The following SLC22A25 variants were observed in gnomAD, a reference collection of about 807,000 sequenced individuals.
The protein encoded by SLC22A25 is solute carrier family 22 member 25.
Under a neutral mutation model 45.9 loss-of-function variants are expected in SLC22A25, and 44 were observed. The observed-to-expected ratio is 0.96, with a 90% confidence interval of 0.75 to 1.23. The LOEUF is 1.23. SLC22A25 is among the 50% of genes most tolerant of loss of function. SLC22A25 has a pLI of 0.00. For missense variants in SLC22A25, 800 were observed against 666.4 expected (o/e 1.20, Z -2.21); for synonymous variants, 283 against 238.6 (o/e 1.19, Z -1.72).
chr11:63,158,775 T>C lies in SLC22A25; in HGVS notation c.*5049A>G, dbSNP rs1393037341. On this transcript the variant is annotated 3_prime_UTR_variant, in exon 12 of 12. Transcript: ENST00000306494. ...AAACAATCCAATTATACTTTTTTAGTTATTTAAAAATGAATTAAGTTATTA... is the reference window on the plus strand; with the variant it reads ...AAACAATCCAATTATACTTTTTTAGCTATTTAAAAATGAATTAAGTTATTA... 6.6e-6 allele frequency among the ~76,000 whole-genome samples: 1 copy of C among 152,222 alleles called. No individual in the cohort carries two copies. The highest frequency in any genetic ancestry group is 1.5e-5 in the Non-Finnish European group (1 of 68,042).
At chr11:63,224,972 G>A (rs553420505) in intron 5 of SLC22A25, among the ~76,000 whole-genome samples, 5 of 152,202 alleles carry the variant, frequency 3.3e-5, no homozygotes, top group South Asian at 2.1e-4. Context: ...GGTGGCGGGC[G>A]CCTGTAGTCC....
intron 9 of SLC22A25, among the ~76,000 whole-genome samples, chr11:63,174,114 A>G (rs2087997929): frequency 6.6e-6 from 1 of 151,668 alleles, no homozygotes; most frequent in African/African-American, 2.4e-5. Context: ...ATGTGTTCTC[A>G]TTGTTCAACT....
At chr11:63,165,358 T>G (rs1565057883) in intron 10 of SLC22A25, among the ~76,000 whole-genome samples, 1 of 152,196 alleles carries the variant, frequency 6.6e-6, no homozygotes, top group Non-Finnish European at 1.5e-5. Flanking sequence ...GGTATTCTCT[T>G]AAGTACATTA....
chr11:63,196,170 A>C (rs2222591), intron 7 of SLC22A25, among the ~76,000 whole-genome samples: 74,494 of 152,018 alleles, frequency 0.49, 19,185 homozygotes, highest in Non-Finnish European at 0.57. Context: ...ATTCTACCAG[A>C]GGTACAAAGA....
chr11:63,177,604 C>A (rs915890445), intron 9 of SLC22A25, among the ~76,000 whole-genome samples: 4 of 151,598 alleles, frequency 2.6e-5, no homozygotes, highest in African/African-American at 9.7e-5. Context: ...TCACTTATTA[C>A]CACCAGGAGA....
In SLC22A25 at chr11:63,239,107, A is replaced by AAAT. The variant is rs1322968153; in HGVS notation, c.-970_-968dup. On this transcript the variant is annotated 5_prime_UTR_variant, in exon 2 of 12. Transcript: ENST00000306494. ...CACCAACTTGATCCAAGAAGTCCTG[A>AAAT]AATACCATTGAGGCTGAAGAGATTA... 6.0e-6 allele frequency: 1 copy of AAAT among 168,010 alleles called. No individual in the cohort carries two copies. The highest frequency in any genetic ancestry group is 1.3e-5 in the Non-Finnish European group (1 of 75,408). The allele number at this position is 168,010 out of a possible 1,614,324, so 10.4% of individuals were successfully genotyped here. A position where few individuals can be genotyped will look rare whatever the true frequency, so the allele number is the denominator to read the frequency against.
chr11:63,243,335 G>C (rs2090283213), intron 1 of SLC22A25, 99 bp downstream of exon 1: 1 of 524,430 alleles, frequency 1.9e-6, no homozygotes, highest in Non-Finnish European at 3.5e-6. Flanking sequence ...CATTTGGGAT[G>C]GAAAAGCACC....
At chr11:63,174,404 C>G (rs1293932624) in intron 9 of SLC22A25, among the ~76,000 whole-genome samples, 1 of 152,096 alleles carries the variant, frequency 6.6e-6, no homozygotes, top group Non-Finnish European at 1.5e-5. Context: ...AGATAAGAAC[C>G]ACAATGGCAT....
chr11:63,170,421 A>G (rs2087837357), intron 9 of SLC22A25, among the ~76,000 whole-genome samples: 1 of 152,080 alleles, frequency 6.6e-6, no homozygotes, highest in Non-Finnish European at 1.5e-5. Flanking sequence ...GACTGCTAGC[A>G]AGACTAATAA....
At chr11:63,200,022 C>A (rs2089188725) in intron 7 of SLC22A25, among the ~76,000 whole-genome samples, 1 of 151,662 alleles carries the variant, frequency 6.6e-6, no homozygotes, top group Non-Finnish European at 1.5e-5. Context: ...TCACACATAA[C>A]AACCAAAAAA....
intron 7 of SLC22A25, among the ~76,000 whole-genome samples, chr11:63,190,211 T>C (rs1373889519): frequency 6.6e-6 from 1 of 152,184 alleles, no homozygotes; most frequent in Non-Finnish European, 1.5e-5. Context: ...TCTTTTCAGA[T>C]AGTCCCATAT....
rs1486053009 is a variant in SLC22A25, at chr11:63,161,605, T to A, written c.*2219A>T. 6.6e-6 allele frequency among the ~76,000 whole-genome samples: 1 copy of A among 152,114 alleles called. No individual in the cohort carries two copies. The highest frequency in any genetic ancestry group is 1.5e-5 in the Non-Finnish European group (1 of 68,020). ...TCTGATGGTTTTATAAAAGGGAGTT[T>A]CCCTGCAAAAATTATCTTTTTGCCT... On this transcript the variant is annotated 3_prime_UTR_variant, in exon 12 of 12. Transcript: ENST00000306494.
chr11:63,198,737 TCAAGA>T (rs1246132541), intron 7 of SLC22A25, among the ~76,000 whole-genome samples: 1 of 151,638 alleles, frequency 6.6e-6, no homozygotes, highest in Admixed American at 6.6e-5. Context: ...AAAAAAGAAA[TCAAGA>T]CAAGAAATTT....
chr11:63,191,187 G>T (rs2088799345), intron 7 of SLC22A25, among the ~76,000 whole-genome samples: 1 of 152,200 alleles, frequency 6.6e-6, no homozygotes, highest in African/African-American at 2.4e-5. Context: ...AGCTGCGGTG[G>T]GCTCCACCCA....
chr11:63,166,139 G>A lies in SLC22A25; in HGVS notation c.1190C>T (p.Pro397Leu), dbSNP rs2087673948. ...AVTLLANCVA[P>L]WALNHMSRRL... is the part of the protein sequence containing the mutation. ...ACGGCTCATGTGATTCAGTGCCCAAGGTGCAACACAATTGGCCAGGAGGGT... is the reference window on the plus strand; with the variant it reads ...ACGGCTCATGTGATTCAGTGCCCAAAGTGCAACACAATTGGCCAGGAGGGT... The change falls in exon 10 of 12, where the codon CCT becomes CTT. Residue 397 changes from proline to leucine, a missense_variant. Coordinates refer to ENST00000306494, the MANE Select transcript of SLC22A25 (RefSeq NM_199352.6). 4 of 1,614,016 alleles carry A rather than the reference G, an allele frequency of 2.5e-6. No homozygotes were observed. Among genetic ancestry groups the A allele is most frequent in the Non-Finnish European group, 3.4e-6 (4 of 1,179,962 alleles).
At chr11:63,205,180 A>G (rs571318557) in intron 7 of SLC22A25, among the ~76,000 whole-genome samples, 131 of 152,356 alleles carry the variant, frequency 8.6e-4, no homozygotes, top group African/African-American at 3.1e-3. Flanking sequence ...AGGGAAATTT[A>G]TAGCACTAAA....
intron 1 of SLC22A25, among the ~76,000 whole-genome samples, chr11:63,239,803 C>T (rs1258138749): frequency 6.6e-6 from 1 of 152,172 alleles, no homozygotes; most frequent in African/African-American, 2.4e-5. Flanking sequence ...TTTATTCACA[C>T]TGCATTTGTG....
chr11:63,186,576 T>C (rs1218628478), intron 7 of SLC22A25, among the ~76,000 whole-genome samples: 3 of 152,314 alleles, frequency 2.0e-5, no homozygotes, highest in Non-Finnish European at 2.9e-5. Context: ...ATTTTGGCTT[T>C]TGTTGCCATT....
chr11:63,172,978 T>C (rs1590786903), intron 9 of SLC22A25, among the ~76,000 whole-genome samples: 1 of 151,772 alleles, frequency 6.6e-6, no homozygotes, highest in East Asian at 1.9e-4. Context: ...CAAATGCCCA[T>C]CAATGATAGA....
Sources: allele counts gnomAD v4.1 joint callset (sites outside exome capture counted in the v4.1 genomes callset), GRCh38; gene constraint gnomAD v4.1.1; transcripts MANE v1.5; gene names NCBI Gene and HGNC (gene_info 2026-07-23, HGNC 2026-07-21).